Variants in ADARB1 observed in about 807,000 individuals in gnomAD.
The protein encoded by ADARB1 is adenosine deaminase RNA specific B1.
In ADARB1, 10 loss-of-function variants were observed where a neutral mutation model predicts 52.4. The observed-to-expected ratio is 0.19, with a 90% CI of 0.12 to 0.32. The LOEUF (loss-of-function observed/expected upper bound fraction) is 0.32. ADARB1 is among the 10% of genes least tolerant of loss of function. ADARB1 has a pLI of 1.00. For synonymous variants in ADARB1, 349 were observed against 371.1 expected (o/e 0.94, Z 0.68); for missense variants, 643 against 922.3 (o/e 0.70, Z 3.92).
At chr21:45,171,492 T>C (rs143182907) in intron 2 of ADARB1, 118 bp from the exon 3 acceptor site, 1 of 681,310 alleles carries the variant, frequency 1.5e-6, no homozygotes, top group Non-Finnish European at 2.5e-6. Flanking sequence ...CTAGTTCTTA[T>C]TTTATGATTT....
chr21:45,134,881 C>T (rs2089275287), intron 2 of ADARB1: 1 of 524,312 alleles, frequency 1.9e-6, no homozygotes, highest in Non-Finnish European at 3.9e-6. Flanking sequence ...CACCACACCC[C>T]TGGCTGCCGT....
intron 8 of ADARB1, among the ~76,000 whole-genome samples, chr21:45,190,155 TC>T (rs1423292578): frequency 6.6e-6 from 1 of 152,112 alleles, no homozygotes; most frequent in Non-Finnish European, 1.5e-5. Flanking sequence ...TTCTTTTTGC[TC>T]CTCTGACTCA....
intron 2 of ADARB1, among the ~76,000 whole-genome samples, chr21:45,132,884 G>A (rs760298063): frequency 4.6e-5 from 7 of 152,276 alleles, no homozygotes; most frequent in Non-Finnish European, 7.4e-5. Flanking sequence ...AGAGATAGAC[G>A]AAGAAGAAAG....
chr21:45,196,296 G>GAAA (rs1187460241), intron 8 of ADARB1, among the ~76,000 whole-genome samples: 11 of 140,354 alleles, frequency 7.8e-5, no homozygotes, highest in African/African-American at 2.6e-4. Flanking sequence ...TCCCTGTGCA[G>GAAA]AAAAAAAAAA....
At position 45,171,591 on chromosome 21, in the gene ADARB1, T is replaced by C. The variant is rs896616676; in HGVS notation, c.-47-19T>C. On this transcript the variant is annotated intron_variant, in intron 2 of 10. Transcript: ENST00000348831. ...CCTGTCATAGGCACACTAAATGCTA[T>C]TTTCTTACTGTCTTTCAGACAGAAA... is the stretch of plus-strand genomic sequence containing the variant. The C allele has an allele frequency of 2.6e-6, 4 of 1,521,834 alleles. No individual in the cohort carries two copies. Among genetic ancestry groups the C allele is most frequent in the Non-Finnish European group, 3.6e-6 (4 of 1,098,544 alleles). 94.3% of individuals were successfully genotyped at this position (1,521,834 alleles called of 1,614,324 possible). A position where few individuals can be genotyped will look rare whatever the true frequency, so the allele number is the denominator to read the frequency against.
Position 45,200,020 on chromosome 21 carries a change from C to T in ADARB1, c.1566-4535C>T, listed in dbSNP as rs1317487847. Among the ~76,000 whole-genome samples the T allele has an allele frequency of 1.3e-5, 2 of 152,204 alleles. No individual in the cohort carries two copies. Among genetic ancestry groups the T allele is most frequent in the African/African-American group, 2.4e-5 (1 of 41,450 alleles). Reference sequence around the variant, plus strand: ...CTAGCATGGGTGGGCCAAGAAATAGCAAATGGCCAGAAAAGTTGCCCGGAA... The same window carrying T: ...CTAGCATGGGTGGGCCAAGAAATAGTAAATGGCCAGAAAAGTTGCCCGGAA... On this transcript the variant is annotated intron_variant, in intron 8 of 10. Transcript: ENST00000348831. This position sits in a 1 kb window ranked among gnomAD's most constrained non-coding sequence, Gnocchi z 5.0.
At chr21:45,124,578 A>G (rs968687117) in intron 1 of ADARB1, among the ~76,000 whole-genome samples, 6 of 151,972 alleles carry the variant, frequency 3.9e-5, no homozygotes, top group African/African-American at 1.5e-4. Flanking sequence ...AGGTCTCACT[A>G]TGTTGCCAGG....
At chr21:45,202,200 G>A (rs1052176798) in intron 8 of ADARB1, among the ~76,000 whole-genome samples, 1 of 152,148 alleles carries the variant, frequency 6.6e-6, no homozygotes. Flanking sequence ...CAGGCAGGGG[G>A]GCATGACTTG....
intron 8 of ADARB1, among the ~76,000 whole-genome samples, chr21:45,189,486 A>G (rs958478065): frequency 6.6e-6 from 1 of 152,188 alleles, no homozygotes; most frequent in East Asian, 1.9e-4. Context: ...CCAAAATTAC[A>G]ATAGTATTGG....
intron 1 of ADARB1, among the ~76,000 whole-genome samples, chr21:45,103,573 A>G (rs532189637): frequency 2.0e-5 from 3 of 152,056 alleles, no homozygotes; most frequent in African/African-American, 7.2e-5. Context: ...ATAGGGTTCC[A>G]GTCCTGTGAG....
At chr21:45,212,788 C>T (rs150076753) in intron 9 of ADARB1, among the ~76,000 whole-genome samples, 1 of 152,122 alleles carries the variant, frequency 6.6e-6, no homozygotes, top group Non-Finnish European at 1.5e-5. Context: ...CTTGGATTAT[C>T]AAACTTATGA....
intron 1 of ADARB1, among the ~76,000 whole-genome samples, chr21:45,081,668 G>C (rs2123626774): frequency 6.6e-6 from 1 of 152,332 alleles, no homozygotes; most frequent in Non-Finnish European, 1.5e-5. Flanking sequence ...ACAGGGCTGA[G>C]GTAGATGGCA....
chr21:45,077,045 C>T (rs1280684667), intron 1 of ADARB1, among the ~76,000 whole-genome samples: 3 of 152,216 alleles, frequency 2.0e-5, no homozygotes, highest in East Asian at 3.8e-4. Context: ...GTGTATTGTC[C>T]TAGCAGGAGT....
chr21:45,112,389 G>A (rs577096010), intron 1 of ADARB1, among the ~76,000 whole-genome samples: 1 of 152,244 alleles, frequency 6.6e-6, no homozygotes, highest in African/African-American at 2.4e-5. Flanking sequence ...GCCTAGACAT[G>A]CACACAAGGC....
In ADARB1 at chr21:45,129,264, T is replaced by G. The variant is rs2088785391; in HGVS notation, c.-48+691T>G. Among the ~76,000 whole-genome samples, 4 of 152,282 alleles carry G rather than the reference T, an allele frequency of 2.6e-5. No homozygotes were observed. The South Asian group carries it at 6.2e-4, about 24-fold the overall frequency. ...AGAAGAACATTTCTTTAGTACTTATTTTTGGCGACTATCTCATGATTCAGC... is the reference window on the plus strand; with the variant it reads ...AGAAGAACATTTCTTTAGTACTTATGTTTGGCGACTATCTCATGATTCAGC... On this transcript the variant is annotated intron_variant, in intron 2 of 10. Transcript: ENST00000348831.
Position 45,175,833 on chromosome 21 carries a change from G to A in ADARB1, c.132G>A (p.Gly44=). ...GCGAGGGCTCTCAGCTCTCCAATGG[G>A]GGTGGTGGTGGCCCCGGCAGAAAGC... is the stretch of plus-strand genomic sequence containing the variant. ...GPGEGSQLSN[G]GGGGPGRKRP... is the part of the protein sequence containing the mutation. The change falls in exon 4 of 11, where the codon GGG becomes GGA. Residue 44 remains glycine, a synonymous_variant. Transcript: ENST00000348831. The A allele has an allele frequency of 6.2e-7, 1 of 1,614,144 alleles. No individual in the cohort carries two copies. The highest frequency in any genetic ancestry group is 8.5e-7 in the Non-Finnish European group (1 of 1,180,024).
At chr21:45,191,084 T>A (rs912892015) in intron 8 of ADARB1, among the ~76,000 whole-genome samples, 2 of 152,226 alleles carry the variant, frequency 1.3e-5, no homozygotes, top group Admixed American at 1.3e-4. Flanking sequence ...TCAGGGTCTC[T>A]ATGGGGGAAA....
At chr21:45,165,826 C>CT (rs78447153) in intron 2 of ADARB1, among the ~76,000 whole-genome samples, 89 of 139,738 alleles carry the variant, frequency 6.4e-4, no homozygotes, top group African/African-American at 9.4e-4. Flanking sequence ...AATACCGTTT[C>CT]TTTTTTTTTT....
At chr21:45,144,471 A>G (rs1487232975) in intron 2 of ADARB1, among the ~76,000 whole-genome samples, 1 of 152,242 alleles carries the variant, frequency 6.6e-6, no homozygotes, top group South Asian at 2.1e-4. Context: ...AAGTTGGGAA[A>G]AAAAGAGCTT....
Sources: gnomAD v4.1 joint callset for allele counts (sites outside exome capture counted in the v4.1 genomes callset) on GRCh38, gnomAD v4.1.1 for gene constraint, Gnocchi (gnomAD v3.1) non-coding constraint, MANE v1.5 for transcripts, NCBI Gene and HGNC (gene_info 2026-07-23, HGNC 2026-07-21) for gene names.